WDR89: variants seen among roughly 807,000 people sequenced by gnomAD.
WDR89 encodes WD repeat-containing protein 89.
In WDR89, 17 loss-of-function variants were observed where a neutral mutation model predicts 29.1. The ratio of observed to expected loss-of-function variants is 0.58; its 90% confidence interval spans 0.40 to 0.88. WDR89 has a LOEUF of 0.88. Among genes scored for constraint, WDR89 ranks in the 40% least tolerant of loss-of-function variants. The pLI is 0.00. For synonymous variants in WDR89, 138 were observed against 157.8 expected (o/e 0.87, Z 0.94); for missense variants, 396 against 456.3 (o/e 0.87, Z 1.20).
chr14:63,627,150 ACTCTCTCTCTCTCTCT>A (rs35230660), intron 1 of WDR89, among the ~76,000 whole-genome samples: 2,667 of 127,282 alleles, frequency 0.021, 34 homozygotes, highest in Non-Finnish European at 0.03. Context: ...ACACACACAC[ACTCTCTCTCTCTCTCT>A]CTCTCTCTCT....
At chr14:63,635,012 C>CA (rs763282507) in intron 1 of WDR89, among the ~76,000 whole-genome samples, 5,682 of 128,708 alleles carry the variant, frequency 0.044, 303 homozygotes, top group African/African-American at 0.14. Flanking sequence ...ACTCTGTCTC[C>CA]AAAAAAAAAA....
At position 63,631,252 on chromosome 14, in the gene WDR89, A is replaced by G. The variant is rs115148777; in HGVS notation, c.-137-6219T>C. Among the ~76,000 whole-genome samples, 510 of 152,322 alleles carry G rather than the reference A, an allele frequency of 3.3e-3. 1 individual carries two copies. Among genetic ancestry groups the G allele is most frequent in the African/African-American group, 0.012 (491 of 41,582 alleles). On this transcript the variant is annotated intron_variant, in intron 1 of 2. Transcript: ENST00000620954. ...ATGTGTCAACTAAAAATCAAACTAA[A>G]AGAGATAATGGAGTTCCCAACAGTA... is the stretch of plus-strand genomic sequence containing the variant.
chr14:63,601,270 A>G (rs1014081023), intron 2 of WDR89, among the ~76,000 whole-genome samples: 2 of 151,906 alleles, frequency 1.3e-5, no homozygotes, highest in Non-Finnish European at 2.9e-5. Flanking sequence ...TTCCCAGTAT[A>G]GAATCCTGGA....
intron 2 of WDR89, among the ~76,000 whole-genome samples, chr14:63,605,462 T>C (rs530454101): frequency 3.3e-5 from 5 of 152,030 alleles, no homozygotes; most frequent in African/African-American, 7.2e-5. Context: ...TCCAATACTA[T>C]ACTTTTTTTT....
intron 2 of WDR89, among the ~76,000 whole-genome samples, chr14:63,601,173 G>A (rs528043457): frequency 1.3e-5 from 2 of 152,156 alleles, no homozygotes; most frequent in East Asian, 1.9e-4. Flanking sequence ...CTCCAGAACC[G>A]TTAAGATAAT....
chr14:63,599,834 C>T lies in WDR89; in HGVS notation c.109G>A (p.Ala37Thr), dbSNP rs935362687. ...ACAGCAACCAAGTTTTCCTTTCCTGCTTGGACAGTCTTTGATGTGTCTATA... is the reference window on the plus strand; with the variant it reads ...ACAGCAACCAAGTTTTCCTTTCCTGTTTGGACAGTCTTTGATGTGTCTATA... ...LGIDTSKTVQ[A>T]GKENLVAVLC... Residue 37 changes from alanine (A) to threonine (T), a missense_variant, in exon 3 of 3, where the codon GCA becomes ACA. Physicochemically the swap from Ala to Thr is moderately conservative, Grantham distance 58. Transcript: ENST00000620954. 1.2e-6 allele frequency: 2 copies of T among 1,614,082 alleles called. No individual in the cohort carries two copies. Among genetic ancestry groups the T allele is most frequent in the Non-Finnish European group, 1.7e-6 (2 of 1,180,018 alleles).
chr14:63,607,482 G>GAA (rs981847267), intron 2 of WDR89, among the ~76,000 whole-genome samples: 1 of 152,108 alleles, frequency 6.6e-6, no homozygotes, highest in African/African-American at 2.4e-5. Flanking sequence ...ATGGAGTAGA[G>GAA]AACAGTAACA....
chr14:63,631,922 G>A (rs1883430360), intron 1 of WDR89, among the ~76,000 whole-genome samples: 1 of 151,964 alleles, frequency 6.6e-6, no homozygotes, highest in South Asian at 2.1e-4. Context: ...GACCAGCCTG[G>A]CCAACCTGGC....
intron 1 of WDR89, chr14:63,641,193 T>G (rs1884106450): frequency 6.6e-6 from 1 of 151,704 alleles, no homozygotes; most frequent in Non-Finnish European, 1.5e-5. Flanking sequence ...TTTACATCCA[T>G]GGAAGCTGAA....
At chr14:63,633,788 A>G (rs1004360573) in intron 1 of WDR89, among the ~76,000 whole-genome samples, 3 of 152,258 alleles carry the variant, frequency 2.0e-5, no homozygotes, top group Non-Finnish European at 4.4e-5. Flanking sequence ...AACAAAAGGC[A>G]TAATTATTGA....
intron 1 of WDR89, chr14:63,641,221 GA>G (rs1436303587): frequency 6.6e-6 from 1 of 152,046 alleles, no homozygotes; most frequent in Non-Finnish European, 1.5e-5. Flanking sequence ...ATTTGTCAGA[GA>G]CAAGCTAAAG....
intron 1 of WDR89, among the ~76,000 whole-genome samples, chr14:63,625,592 T>C (rs1267936045): frequency 2.0e-5 from 3 of 152,074 alleles, no homozygotes; most frequent in Non-Finnish European, 4.4e-5. Context: ...AGAATGGTGG[T>C]TATCTTTAGT....
chr14:63,613,783 A>G (rs1595024789), intron 2 of WDR89, among the ~76,000 whole-genome samples: 3 of 148,182 alleles, frequency 2.0e-5, no homozygotes. Context: ...TAGAGGTGTG[A>G]GCCACTGCAC....
chr14:63,600,709 T>C (rs1310263444), intron 2 of WDR89, among the ~76,000 whole-genome samples: 7 of 42,158 alleles, frequency 1.7e-4, no homozygotes, highest in Non-Finnish European at 2.9e-4. Flanking sequence ...TAAACATAGA[T>C]ATGTAGGCAA....
intron 1 of WDR89, among the ~76,000 whole-genome samples, chr14:63,628,340 T>C (rs1351241136): frequency 6.6e-6 from 1 of 152,272 alleles, no homozygotes; most frequent in African/African-American, 2.4e-5. Context: ...AAAGAAATGC[T>C]GTAATTTTGT....
chr14:63,634,423 G>A (rs1883601205), intron 1 of WDR89, among the ~76,000 whole-genome samples: 1 of 151,972 alleles, frequency 6.6e-6, no homozygotes. Context: ...TCTGAGGGAT[G>A]AGACAGGGAG....
chr14:63,610,621 C>G (rs1881903330), intron 2 of WDR89, among the ~76,000 whole-genome samples: 1 of 151,712 alleles, frequency 6.6e-6, no homozygotes, highest in South Asian at 2.1e-4. Context: ...TCATTCACCT[C>G]TGTTATGTTA....
intron 2 of WDR89, among the ~76,000 whole-genome samples, chr14:63,624,376 G>A (rs1395513093): frequency 6.6e-6 from 1 of 151,222 alleles, no homozygotes; most frequent in Non-Finnish European, 1.5e-5. Context: ...CTGAGATGAA[G>A]AGGTCACTTT....
At chr14:63,632,295 G>A (rs1296602118) in intron 1 of WDR89, among the ~76,000 whole-genome samples, 6 of 151,752 alleles carry the variant, frequency 4.0e-5, no homozygotes, top group African/African-American at 9.7e-5. Flanking sequence ...GGGAAAGTAC[G>A]GGATTCTGTT....
Sources: allele counts gnomAD v4.1 joint callset (sites outside exome capture counted in the v4.1 genomes callset), GRCh38; gene constraint gnomAD v4.1.1; transcripts MANE v1.5; gene names NCBI Gene and HGNC (gene_info 2026-07-23, HGNC 2026-07-21).